The following RASA3 variants were observed in gnomAD, a reference collection of about 807,000 sequenced individuals.
The protein encoded by RASA3 is RAS p21 protein activator 3.
A neutral mutation model predicts 110.0 loss-of-function variants in RASA3; 73 were observed. That is an observed-to-expected ratio of 0.66 (90% CI 0.55 to 0.81). The LOEUF (loss-of-function observed/expected upper bound fraction) is 0.81, where lower values mean the gene tolerates loss of function less well. RASA3 is among the 30% of genes least tolerant of loss of function. The pLI is 0.00. For synonymous variants in RASA3, 500 were observed against 451.4 expected (o/e 1.11, Z -1.37); for missense variants, 976 against 1,113.2 (o/e 0.88, Z 1.75).
At chr13:114,039,929 G>A (rs937625699) in intron 4 of RASA3, among the ~76,000 whole-genome samples, 1 of 152,230 alleles carries the variant, frequency 6.6e-6, no homozygotes, top group Non-Finnish European at 1.5e-5. Flanking sequence ...GGACACGGGA[G>A]ACCAGAACGC....
intron 1 of RASA3, among the ~76,000 whole-genome samples, chr13:114,105,771 G>C (rs1191986150): frequency 6.6e-6 from 1 of 152,194 alleles, no homozygotes. Flanking sequence ...GCATATTTAC[G>C]GTGTCTTCTC....
intron 7 of RASA3, among the ~76,000 whole-genome samples, chr13:114,025,337 A>C (rs1482961004): frequency 2.0e-5 from 3 of 152,154 alleles, no homozygotes; most frequent in African/African-American, 7.2e-5. Flanking sequence ...CCTGACCTAC[A>C]CACCACTGTC....
chr13:114,039,307 G>A (rs530115205), intron 4 of RASA3, among the ~76,000 whole-genome samples: 1 of 145,004 alleles, frequency 6.9e-6, no homozygotes, highest in Non-Finnish European at 1.5e-5. Context: ...TGAGGACCCA[G>A]GAAGCCCTCC....
intron 4 of RASA3, among the ~76,000 whole-genome samples, chr13:114,037,590 T>G (rs1284033438): frequency 6.6e-6 from 1 of 152,134 alleles, no homozygotes; most frequent in Non-Finnish European, 1.5e-5. Context: ...AGATGGGTGG[T>G]GGTGACGGTT....
In RASA3 at chr13:114,056,448, A is replaced by G; in HGVS notation, c.174-4293T>C. On this transcript the variant is annotated intron_variant, in intron 2 of 23. Transcript: ENST00000334062. The surrounding 1 kb of genome is among the most constrained non-coding windows in gnomAD (Gnocchi z 5.7). ...AGGCACTCCAACATCTGATGAAACG[A>G]AACTAACCCCAGGGCTTGGGCAGCA... 1.0e-6 allele frequency: 1 copy of G among 985,382 alleles called. No individual in the cohort carries two copies. The highest frequency in any genetic ancestry group is 1.2e-6 in the Non-Finnish European group (1 of 829,926). 61.0% of individuals were successfully genotyped at this position (985,382 alleles called of 1,614,324 possible).
intron 2 of RASA3, among the ~76,000 whole-genome samples, chr13:114,070,268 A>G (rs2079549164): frequency 6.6e-6 from 1 of 151,256 alleles, no homozygotes; most frequent in South Asian, 2.1e-4. Context: ...CCGGCCCCAA[A>G]GTGGGTGCCA....
At chr13:114,003,599 CTT>C (rs1245647393) in intron 18 of RASA3, among the ~76,000 whole-genome samples, 1 of 152,176 alleles carries the variant, frequency 6.6e-6, no homozygotes, top group African/African-American at 2.4e-5. Flanking sequence ...GCTAATAACT[CTT>C]TGTTAAGCTC....
Position 114,125,039 on chromosome 13 carries a change from G to T in RASA3, c.55+7396C>A, listed in dbSNP as rs143286825. 3.7e-4 allele frequency among the ~76,000 whole-genome samples: 57 copies of T among 152,122 alleles called. 3 individuals carry two copies. The highest frequency in any genetic ancestry group is 2.6e-4 in the Non-Finnish European group (18 of 68,032). Reference sequence around the variant, plus strand: ...GCTGTGTGGGTCTTATCCCTGATCTGCGCACACTCATCTGATCTGTGTTTA... The same window carrying T: ...GCTGTGTGGGTCTTATCCCTGATCTTCGCACACTCATCTGATCTGTGTTTA... On this transcript the variant is annotated intron_variant, in intron 1 of 23. Coordinates refer to ENST00000334062, the MANE Select transcript of RASA3 (RefSeq NM_007368.4).
intron 4 of RASA3, among the ~76,000 whole-genome samples, chr13:114,030,775 C>A (rs1288948996): frequency 2.0e-5 from 3 of 149,800 alleles, no homozygotes; most frequent in African/African-American, 7.4e-5. Context: ...GAGCATGCTG[C>A]TGTGTGTGCA....
rs532454118 is a variant in RASA3, at chr13:114,104,255, C to T, written c.55+28180G>A. 2.7e-5 allele frequency among the ~76,000 whole-genome samples: 3 copies of T among 109,268 alleles called. No individual in the cohort carries two copies. In the South Asian group the frequency reaches 1.1e-3, roughly 41 times the overall value. 71.7% of individuals were successfully genotyped at this position (109,268 alleles called of 152,430 possible). On this transcript the variant is annotated intron_variant, in intron 1 of 23. Transcript: ENST00000334062. ...CACCCCTGATGCGTCCACACTGCCA[C>T]GGCCACGGACACCCACCCCTGATGC...
chr13:114,081,723 C>G (rs1221954071), intron 1 of RASA3, among the ~76,000 whole-genome samples: 1 of 152,178 alleles, frequency 6.6e-6, no homozygotes, highest in Non-Finnish European at 1.5e-5. Context: ...ACCGAAGTTT[C>G]ACTGGCGGCT....
intron 22 of RASA3, 142 bp from the exon 23 acceptor site, chr13:113,982,000 T>TA: frequency 1.4e-6 from 1 of 715,722 alleles, no homozygotes; most frequent in Non-Finnish European, 2.2e-6. Flanking sequence ...CCACCACTCG[T>TA]AAACGCAGAC....
rs1434816038 is a variant in RASA3, at chr13:114,014,039, T to C, written c.1406-791A>G. The stretch of plus-strand genomic sequence containing the variant: ...CTCTCCATCTCTCTCTCTCCGTCTC[T>C]ATCTCTCTCTCCGTCTGTCTCTGCC... On this transcript the variant is annotated intron_variant, in intron 14 of 23. Transcript: ENST00000334062. This position sits in a 1 kb window ranked among gnomAD's most constrained non-coding sequence, Gnocchi z 4.5. Among the ~76,000 whole-genome samples the C allele has an allele frequency of 8.0e-6, 1 of 124,240 alleles. No individual in the cohort carries two copies. The highest frequency in any genetic ancestry group is 8.0e-5 in the Admixed American group (1 of 12,568). 81.5% of individuals were successfully genotyped at this position (124,240 alleles called of 152,430 possible).
intron 21 of RASA3, among the ~76,000 whole-genome samples, chr13:113,993,775 T>G (rs2053171032): frequency 7.3e-6 from 1 of 137,350 alleles, no homozygotes; most frequent in Non-Finnish European, 1.5e-5. Context: ...ACCACTGCAC[T>G]TCAGCCTGGG....
At position 114,011,034 on chromosome 13, in the gene RASA3, A is replaced by T; in HGVS notation, c.1590+137T>A. ...ACGCTCAGGTCCTGGGTTTCAAGAG[A>T]GGATGTGGTGCCGGCTTTGATTCTT... On this transcript the variant is annotated intron_variant, in intron 16 of 23. Coordinates refer to ENST00000334062, the MANE Select transcript of RASA3 (RefSeq NM_007368.4). The surrounding 1 kb of genome is among the most constrained non-coding windows in gnomAD (Gnocchi z 4.8). The T allele has an allele frequency of 1.2e-6, 1 of 815,954 alleles. No individual in the cohort carries two copies. The highest frequency in any genetic ancestry group is 2.0e-6 in the Non-Finnish European group (1 of 497,714). 50.5% of individuals were successfully genotyped at this position (815,954 alleles called of 1,614,324 possible). A position where few individuals can be genotyped will look rare whatever the true frequency, so the allele number is the denominator to read the frequency against.
chr13:114,064,883 GGCCTGAGAGGACCAGGCTC>G (rs1308996599), intron 2 of RASA3, among the ~76,000 whole-genome samples: 7 of 152,222 alleles, frequency 4.6e-5, no homozygotes, highest in African/African-American at 7.2e-5. Flanking sequence ...GAAAAAGTGC[GGCCTGAGAGGACCAGGCTC>G]GCCTGAAATC....
chr13:114,060,598 G>C (rs78797902), intron 2 of RASA3, among the ~76,000 whole-genome samples: 2 of 152,258 alleles, frequency 1.3e-5, no homozygotes. Flanking sequence ...TGCAGGAGGT[G>C]ACGGGCCTGC....
rs533110850 is a variant in RASA3 at position 114,054,220 on chromosome 13, GAAT to G, written c.174-2068_174-2066del. Among the ~76,000 whole-genome samples the G allele has an allele frequency of 8.5e-5, 13 of 152,278 alleles. No homozygotes were observed. The South Asian group carries it at 2.7e-3, about 32-fold the overall frequency. ...TTATCTGATAAAAGACTTATATACA[GAAT>G]ATATAAAGAACTCTTATGACTCAAT... On this transcript the variant is annotated intron_variant, in intron 2 of 23. Transcript: ENST00000334062.
chr13:114,004,878 C>T (rs2053480407), intron 18 of RASA3, among the ~76,000 whole-genome samples: 1 of 152,190 alleles, frequency 6.6e-6, no homozygotes, highest in Non-Finnish European at 1.5e-5. Flanking sequence ...CACGTGTCCA[C>T]CAACGGACGA....
Sources: gnomAD v4.1 joint callset for allele counts (sites outside exome capture counted in the v4.1 genomes callset) on GRCh38, gnomAD v4.1.1 for gene constraint, Gnocchi (gnomAD v3.1) non-coding constraint, MANE v1.5 for transcripts, NCBI Gene and HGNC (gene_info 2026-07-23, HGNC 2026-07-21) for gene names.